DLG2: variants seen among roughly 807,000 people sequenced by gnomAD.
DLG2 encodes disks large homolog 2.
In DLG2, 45 loss-of-function variants were observed where a neutral mutation model predicts 132.5. The observed-to-expected ratio is 0.34, with a 90% CI of 0.27 to 0.44. The LOEUF is 0.44. DLG2 is among the 20% of genes least tolerant of loss of function. DLG2 has a pLI of 1.00. For missense variants in DLG2, 1,045 were observed against 1,196.9 expected (o/e 0.87, Z 1.87); for synonymous variants, 424 against 419.6 (o/e 1.01, Z -0.13).
At chr11:84,409,606 G>A (rs1318605842) in intron 7 of DLG2, among the ~76,000 whole-genome samples, 1 of 152,034 alleles carries the variant, frequency 6.6e-6, no homozygotes, top group Non-Finnish European at 1.5e-5. Context: ...AAGACAATAA[G>A]CTTTATGTAA....
At chr11:83,874,198 A>G (rs1459974293) in intron 16 of DLG2, among the ~76,000 whole-genome samples, 1 of 125,660 alleles carries the variant, frequency 8.0e-6, no homozygotes, top group Non-Finnish European at 1.7e-5. Flanking sequence ...GACAAAAGAA[A>G]GAGAAAGAAA....
chr11:85,394,174 A>G (rs1565425426), intron 3 of DLG2, among the ~76,000 whole-genome samples: 1 of 152,204 alleles, frequency 6.6e-6, no homozygotes, highest in Admixed American at 6.5e-5. Flanking sequence ...AAATAACTAT[A>G]AGATGTATAT....
intron 6 of DLG2, among the ~76,000 whole-genome samples, chr11:84,683,390 C>T (rs2099735247): frequency 1.3e-5 from 2 of 152,124 alleles, no homozygotes; most frequent in African/African-American, 4.8e-5. Flanking sequence ...CCTGTATGTA[C>T]CTGTAAATTC....
intron 6 of DLG2, among the ~76,000 whole-genome samples, chr11:84,970,131 C>T (rs1204896128): frequency 6.6e-6 from 1 of 151,742 alleles, no homozygotes; most frequent in Non-Finnish European, 1.5e-5. Flanking sequence ...CAAACCTGCA[C>T]GTTCTGCACA....
intron 7 of DLG2, among the ~76,000 whole-genome samples, chr11:84,254,200 A>G (rs1458352714): frequency 6.6e-6 from 1 of 152,082 alleles, no homozygotes; most frequent in Non-Finnish European, 1.5e-5. Context: ...ATAAATAGGT[A>G]TTAATTTTAT....
chr11:85,195,801 C>T (rs931935243), intron 4 of DLG2, among the ~76,000 whole-genome samples: 1 of 152,104 alleles, frequency 6.6e-6, no homozygotes, highest in Non-Finnish European at 1.5e-5. Context: ...GCTGGGATTA[C>T]AAGCCTGAGC....
intron 6 of DLG2, among the ~76,000 whole-genome samples, chr11:84,654,622 G>A (rs1940096): frequency 0.065 from 9,872 of 152,244 alleles, 424 homozygotes; most frequent in South Asian, 0.18. Context: ...AGGACGTGCT[G>A]TTCTGAATTG....
At chr11:83,609,743 CA>C (rs199951965) in intron 19 of DLG2, among the ~76,000 whole-genome samples, 2 of 151,540 alleles carry the variant, frequency 1.3e-5, no homozygotes, top group African/African-American at 2.4e-5. Flanking sequence ...TATTTCCAAG[CA>C]AAAAAAACCC....
At chr11:83,488,807 T>A (rs547587538) in intron 21 of DLG2, among the ~76,000 whole-genome samples, 1 of 152,122 alleles carries the variant, frequency 6.6e-6, no homozygotes, top group East Asian at 1.9e-4. Flanking sequence ...CCTGGGAAAG[T>A]TGTTACTGTA....
chr11:83,930,315 G>A lies in DLG2; in HGVS notation c.1496+13C>T. 1 of 1,612,938 alleles carries A rather than the reference G, an allele frequency of 6.2e-7. No homozygotes were observed. Among genetic ancestry groups the A allele is most frequent in the Non-Finnish European group, 8.5e-7 (1 of 1,179,512 alleles). ...CAGTTCGAGAAGATGAAGTGAGGAA[G>A]CGCATGCAGTACCTGGTCATCTCAG... On this transcript the variant is annotated intron_variant, in intron 15 of 27. Transcript: ENST00000376104.
At chr11:83,637,196 C>A (rs989270416) in intron 18 of DLG2, among the ~76,000 whole-genome samples, 3 of 152,114 alleles carry the variant, frequency 2.0e-5, no homozygotes, top group Non-Finnish European at 4.4e-5. Context: ...AACAGAAAAA[C>A]CTAACACTAC....
At chr11:83,633,743 AACACACAC>A (rs35932645) in intron 18 of DLG2, among the ~76,000 whole-genome samples, 1,704 of 143,286 alleles carry the variant, frequency 0.012, 34 homozygotes, top group African/African-American at 0.041. Context: ...CACAGAACTA[AACACACAC>A]ACACACACAC....
At chr11:84,242,470 A>G (rs1448293741) in intron 8 of DLG2, among the ~76,000 whole-genome samples, 1 of 151,422 alleles carries the variant, frequency 6.6e-6, no homozygotes, top group Non-Finnish European at 1.5e-5. Flanking sequence ...CAATGGCATG[A>G]TCCCGGCTCA....
chr11:85,115,935 T>C (rs1480365917), intron 5 of DLG2, among the ~76,000 whole-genome samples: 6 of 151,970 alleles, frequency 3.9e-5, no homozygotes, highest in African/African-American at 1.2e-4. Flanking sequence ...AAATGAATCC[T>C]ACCAGGAAGT....
intron 3 of DLG2, among the ~76,000 whole-genome samples, chr11:85,540,484 C>T (rs1040228027): frequency 6.6e-6 from 1 of 152,282 alleles, no homozygotes; most frequent in African/African-American, 2.4e-5. Context: ...ACACCACCAT[C>T]CCATTCCATC....
intron 7 of DLG2, among the ~76,000 whole-genome samples, chr11:84,261,303 C>G (rs955140393): frequency 3.9e-5 from 6 of 152,194 alleles, no homozygotes; most frequent in Non-Finnish European, 7.4e-5. Context: ...CTTGCTCATG[C>G]CTACCGCAAT....
chr11:83,709,231 CTG>C lies in DLG2; in HGVS notation c.1826-75908_1826-75907del, dbSNP rs112665187. On this transcript the variant is annotated intron_variant, in intron 18 of 27. Coordinates refer to ENST00000376104, the MANE Select transcript of DLG2 (RefSeq NM_001142699.3). ...AGCATGCCTAGGACAAAATTTTACA[CTG>C]TGTGTGTGTGTGTGTGTATATGTGT... Among the ~76,000 whole-genome samples the C allele has an allele frequency of 3.5e-3, 517 of 147,140 alleles. 3 individuals carry two copies. The highest frequency in any genetic ancestry group is 5.5e-3 in the Non-Finnish European group (369 of 66,882).
At chr11:84,666,234 T>G (rs1364874893) in intron 6 of DLG2, among the ~76,000 whole-genome samples, 1 of 152,126 alleles carries the variant, frequency 6.6e-6, no homozygotes, top group African/African-American at 2.4e-5. Flanking sequence ...TATGGGTGAC[T>G]CTCATCCAAT....
chr11:83,666,800 G>T (rs2075682964), intron 18 of DLG2, among the ~76,000 whole-genome samples: 1 of 152,192 alleles, frequency 6.6e-6, no homozygotes, highest in African/African-American at 2.4e-5. Context: ...AAGTCACAAT[G>T]CTGGTAAGTG....
Sources: allele counts gnomAD v4.1 joint callset (sites outside exome capture counted in the v4.1 genomes callset), GRCh38; gene constraint gnomAD v4.1.1; transcripts MANE v1.5; gene names NCBI Gene and HGNC (gene_info 2026-07-23, HGNC 2026-07-21).